PTPRT: variants seen among roughly 807,000 people sequenced by gnomAD.
The protein encoded by PTPRT is receptor-type tyrosine-protein phosphatase T.
Under a neutral mutation model 176.8 loss-of-function variants are expected in PTPRT, and 56 were observed. That is an observed-to-expected ratio of 0.32 (90% confidence interval 0.26 to 0.40). The LOEUF (loss-of-function observed/expected upper bound fraction) is 0.40, where lower values mean the gene tolerates loss of function less well. Among genes scored for constraint, PTPRT ranks in the 10% least tolerant of loss-of-function variants. The pLI, the probability that PTPRT is intolerant of heterozygous loss-of-function variation, is 1.00. For synonymous variants in PTPRT, 783 were observed against 739.0 expected (o/e 1.06, Z -0.96); for missense variants, 1,540 against 1,908.2 (o/e 0.81, Z 3.60).
At chr20:42,119,500 C>T (rs557889940) in intron 20 of PTPRT, among the ~76,000 whole-genome samples, 22 of 152,246 alleles carry the variant, frequency 1.4e-4, no homozygotes, top group African/African-American at 3.4e-4. Flanking sequence ...CTTCTGAAAA[C>T]GCACTGCCAA....
intron 14 of PTPRT, among the ~76,000 whole-genome samples, chr20:42,238,665 A>G (rs2056292178): frequency 6.6e-6 from 1 of 152,184 alleles, no homozygotes; most frequent in Non-Finnish European, 1.5e-5. Flanking sequence ...CAGCATTATA[A>G]TCTCAGATCT....
chr20:42,954,996 G>C (rs1981531189), intron 1 of PTPRT, among the ~76,000 whole-genome samples: 1 of 151,812 alleles, frequency 6.6e-6, no homozygotes, highest in African/African-American at 2.4e-5. Context: ...GGACAAAGAG[G>C]GAAGGGCCAG....
intron 7 of PTPRT, among the ~76,000 whole-genome samples, chr20:42,530,621 G>T (rs1405027609): frequency 6.6e-6 from 1 of 152,186 alleles, no homozygotes; most frequent in East Asian, 1.9e-4. Flanking sequence ...ACGTTTTCTT[G>T]TTCTCTTCTT....
intron 1 of PTPRT, among the ~76,000 whole-genome samples, chr20:42,977,076 G>T (rs1982997987): frequency 6.6e-6 from 1 of 152,142 alleles, no homozygotes. Context: ...GTAGCAAGTG[G>T]TTCTGTGGTT....
chr20:42,267,556 G>A (rs1056289290), intron 13 of PTPRT, among the ~76,000 whole-genome samples: 6 of 152,170 alleles, frequency 3.9e-5, no homozygotes, highest in African/African-American at 9.7e-5. Flanking sequence ...GTTTATAACA[G>A]AGGATGATTT....
At chr20:43,024,214 C>A (rs143056374) in intron 1 of PTPRT, among the ~76,000 whole-genome samples, 2 of 152,116 alleles carry the variant, frequency 1.3e-5, no homozygotes, top group African/African-American at 4.8e-5. Flanking sequence ...CTAGTGCCCA[C>A]CTTATAGGGT....
At chr20:42,182,985 T>C (rs1198895118) in intron 16 of PTPRT, among the ~76,000 whole-genome samples, 1 of 151,836 alleles carries the variant, frequency 6.6e-6, no homozygotes, top group African/African-American at 2.4e-5. Context: ...GTGCTGTCAC[T>C]TTCCTTGAAG....
intron 1 of PTPRT, among the ~76,000 whole-genome samples, chr20:42,961,201 G>A (rs1016669180): frequency 6.6e-6 from 1 of 152,200 alleles, no homozygotes; most frequent in South Asian, 2.1e-4. Context: ...TTTTAATGCT[G>A]TAAGGAGCAC....
intron 9 of PTPRT, among the ~76,000 whole-genome samples, chr20:42,379,880 G>C (rs759673726): frequency 2.6e-5 from 4 of 152,222 alleles, no homozygotes; most frequent in Non-Finnish European, 5.9e-5. Context: ...TGATTGGAAA[G>C]TGATTACAAA....
At chr20:42,065,334 T>C in the PTPRT span, among the ~76,000 whole-genome samples, 13 of 152,258 alleles carry the variant, frequency 8.5e-5, no homozygotes, top group African/African-American at 3.1e-4. Flanking sequence ...AATACTAAAT[T>C]ACAGCAAGGA....
At chr20:42,749,423 T>A (rs2076738249) in intron 6 of PTPRT, among the ~76,000 whole-genome samples, 1 of 152,146 alleles carries the variant, frequency 6.6e-6, no homozygotes. Context: ...TGTTCCAACC[T>A]CTGTACACCT....
intron 7 of PTPRT, among the ~76,000 whole-genome samples, chr20:42,601,254 C>T (rs1277420809): frequency 6.6e-6 from 1 of 152,214 alleles, no homozygotes; most frequent in African/African-American, 2.4e-5. Context: ...TTCTCTGCTG[C>T]ATCTCCAACA....
intron 7 of PTPRT, among the ~76,000 whole-genome samples, chr20:42,576,823 T>G (rs1255735032): frequency 2.0e-5 from 3 of 152,220 alleles, no homozygotes; most frequent in Non-Finnish European, 4.4e-5. Context: ...TTCACTTATT[T>G]ATTCATTCTA....
chr20:43,133,954 T>C (rs2013734454), intron 1 of PTPRT, among the ~76,000 whole-genome samples: 1 of 152,086 alleles, frequency 6.6e-6, no homozygotes, highest in Non-Finnish European at 1.5e-5. Flanking sequence ...GGCACTACAC[T>C]TTGAAAACTC....
At chr20:43,111,548 A>G (rs1248808543) in intron 1 of PTPRT, among the ~76,000 whole-genome samples, 2 of 90,750 alleles carry the variant, frequency 2.2e-5, no homozygotes, top group Non-Finnish European at 4.0e-5. Flanking sequence ...CGTCTCAGGA[A>G]AAAAAAAAAA....
intron 1 of PTPRT, among the ~76,000 whole-genome samples, chr20:43,128,484 T>C (rs532327061): frequency 6.6e-6 from 1 of 152,334 alleles, no homozygotes; most frequent in Non-Finnish European, 1.5e-5. Context: ...AACCCATTCT[T>C]TTGGCCTGCC....
chr20:43,161,153 G>A (rs2014684292), intron 1 of PTPRT, among the ~76,000 whole-genome samples: 1 of 152,180 alleles, frequency 6.6e-6, no homozygotes, highest in Admixed American at 6.5e-5. Context: ...AAGTTTTCCT[G>A]GAGCAGAGCC....
chr20:42,636,653 C>G (rs935318297), intron 7 of PTPRT, among the ~76,000 whole-genome samples: 3 of 151,870 alleles, frequency 2.0e-5, no homozygotes, highest in Non-Finnish European at 2.9e-5. Context: ...GGCATGGTGA[C>G]GCATGCTTGT....
chr20:42,501,797 G>A (rs1486087810), intron 7 of PTPRT, among the ~76,000 whole-genome samples: 2 of 152,050 alleles, frequency 1.3e-5, no homozygotes, highest in African/African-American at 2.4e-5. Context: ...GCTTTGCCAT[G>A]ATATGTTTTA....
Sources: gnomAD v4.1 joint callset for allele counts (sites outside exome capture counted in the v4.1 genomes callset) on GRCh38, gnomAD v4.1.1 for gene constraint, MANE v1.5 for transcripts, NCBI Gene and HGNC (gene_info 2026-07-23, HGNC 2026-07-21) for gene names.